Variants in ESRRB observed in about 807,000 individuals in gnomAD.
ESRRB encodes the protein steroid hormone receptor ERR2.
ESRRB carries 16 observed loss-of-function variants against 46.0 expected under a neutral mutation model. The observed-to-expected ratio is 0.35, with a 90% confidence interval of 0.24 to 0.53. The LOEUF is 0.53. Among genes scored for constraint, ESRRB ranks in the 20% least tolerant of loss-of-function variants. The pLI, the probability that ESRRB is intolerant of heterozygous loss-of-function variation, is 0.93. For missense variants in ESRRB, 488 were observed against 607.4 expected, an observed-to-expected ratio of 0.80 and a Z score of 2.07; for synonymous variants, 246 against 259.6, an observed-to-expected ratio of 0.95 and a Z score of 0.50.
At chr14:76,441,355 C>G (rs1407901500) in intron 2 of ESRRB, among the ~76,000 whole-genome samples, 1 of 152,190 alleles carries the variant, frequency 6.6e-6, no homozygotes, top group Non-Finnish European at 1.5e-5. Context: ...TCTGTAAAGT[C>G]ACCACGAGGT....
chr14:76,383,911 G>T (rs7150871), intron 1 of ESRRB, among the ~76,000 whole-genome samples: 1 of 152,118 alleles, frequency 6.6e-6, no homozygotes, highest in Admixed American at 6.6e-5. Flanking sequence ...TATCTGAGGC[G>T]CGTGGTGATA....
chr14:76,449,268 C>T (rs1303609760), intron 2 of ESRRB, among the ~76,000 whole-genome samples: 2 of 152,104 alleles, frequency 1.3e-5, no homozygotes, highest in Non-Finnish European at 1.5e-5. Flanking sequence ...TCTTTACTCC[C>T]AGGCCAGGCA....
Position 76,457,238 on chromosome 14 carries a change from C to T in ESRRB, c.461-5307C>T, listed in dbSNP as rs2139977622. 2.0e-5 allele frequency among the ~76,000 whole-genome samples: 3 copies of T among 152,136 alleles called. No homozygotes were observed. The South Asian group carries it at 6.2e-4, about 32-fold the overall frequency. The stretch of plus-strand genomic sequence containing the variant: ...CCTGCCTCCTTCCCACAGGCACCGG[C>T]AGCATCCACTCTGAGGTCTAGGGAC... On this transcript the variant is annotated intron_variant, in intron 2 of 6. Coordinates refer to ENST00000644823, the MANE Select transcript of ESRRB (RefSeq NM_001379180.1).
At chr14:76,479,767 C>T (rs1418568163) in intron 3 of ESRRB, among the ~76,000 whole-genome samples, 1 of 152,178 alleles carries the variant, frequency 6.6e-6, no homozygotes, top group East Asian at 1.9e-4. Context: ...GCCTTGACCT[C>T]CAGAGAGCAG....
rs572539603 is a variant in ESRRB, at chr14:76,361,698, A to G, written c.2+50782A>G. Among the ~76,000 whole-genome samples the G allele has an allele frequency of 3.3e-4, 50 of 152,218 alleles. No homozygotes were observed. The East Asian group carries it at 8.3e-3, about 25-fold the overall frequency. Reference sequence around the variant, plus strand: ...ACTCCATGTCTGAATCACAGTGAAGACTCAAAACCAACCCATGGGCATCTC... The same window carrying G: ...ACTCCATGTCTGAATCACAGTGAAGGCTCAAAACCAACCCATGGGCATCTC... On this transcript the variant is annotated intron_variant, in intron 1 of 6. Transcript: ENST00000512784.
At chr14:76,405,097 C>CTTTG (rs1450027432) in intron 1 of ESRRB, among the ~76,000 whole-genome samples, 3 of 152,002 alleles carry the variant, frequency 2.0e-5, no homozygotes, top group Non-Finnish European at 4.4e-5. Context: ...TTGTTTTTGT[C>CTTTG]TTTGTTTGTT....
intron 1 of ESRRB, among the ~76,000 whole-genome samples, chr14:76,422,567 G>A (rs1887015851): frequency 6.6e-6 from 1 of 152,252 alleles, no homozygotes; most frequent in South Asian, 2.1e-4. Flanking sequence ...TATGTGGGTA[G>A]GGACCACCCT....
chr14:76,439,852 T>TG, intron 2 of ESRRB, 102 bp downstream of exon 2: 9 of 1,304,844 alleles, frequency 6.9e-6, no homozygotes, highest in Non-Finnish European at 9.6e-6. Context: ...CTGCCAATTC[T>TG]GGGCGCTGTT....
chr14:76,480,914 C>T (rs1219374084), intron 3 of ESRRB, among the ~76,000 whole-genome samples: 1 of 152,180 alleles, frequency 6.6e-6, no homozygotes, highest in South Asian at 2.1e-4. Flanking sequence ...CTCTGGTCTC[C>T]GTGTCTGACT....
At chr14:76,344,416 GC>G (rs2139754217) in intron 1 of ESRRB, among the ~76,000 whole-genome samples, 1 of 149,674 alleles carries the variant, frequency 6.7e-6, no homozygotes, top group African/African-American at 2.5e-5. Flanking sequence ...TTTACCCCTT[GC>G]CCCCCTCCCA....
At chr14:76,460,868 AT>A (rs34134077) in intron 2 of ESRRB, among the ~76,000 whole-genome samples, 1 of 143,814 alleles carries the variant, frequency 7.0e-6, no homozygotes, top group Admixed American at 6.7e-5. Context: ...TGCCCAACTA[AT>A]TTTTTTTTGT....
At chr14:76,446,035 G>T (rs1323004938) in intron 2 of ESRRB, among the ~76,000 whole-genome samples, 1 of 152,176 alleles carries the variant, frequency 6.6e-6, no homozygotes, top group Non-Finnish European at 1.5e-5. Flanking sequence ...TAGTACAATG[G>T]CGGGGGAGGG....
chr14:76,344,510 G>A (rs1371068699), intron 1 of ESRRB, among the ~76,000 whole-genome samples: 1 of 151,894 alleles, frequency 6.6e-6, no homozygotes, highest in Non-Finnish European at 1.5e-5. Flanking sequence ...ATATCAGTGA[G>A]AACATATGAT....
At position 76,499,935 on chromosome 14, in the gene ESRRB, C is replaced by T; in HGVS notation, c.*1477C>T. On this transcript the variant is annotated 3_prime_UTR_variant, in exon 7 of 7. Coordinates refer to ENST00000644823, the MANE Select transcript of ESRRB (RefSeq NM_001379180.1). ...AAGCCATGATGGAAAATGCCCCTTCCAATCAGCTGCCTTCACAAGCAGGGA... is the reference window on the plus strand; with the variant it reads ...AAGCCATGATGGAAAATGCCCCTTCTAATCAGCTGCCTTCACAAGCAGGGA... 1 of 1,613,722 alleles carries T rather than the reference C, an allele frequency of 6.2e-7. No individual in the cohort carries two copies.
chr14:76,401,379 C>A (rs1885936434), intron 1 of ESRRB, among the ~76,000 whole-genome samples: 1 of 152,202 alleles, frequency 6.6e-6, no homozygotes, highest in Non-Finnish European at 1.5e-5. Flanking sequence ...AGGCCTCCAG[C>A]CCTCTTCGAT....
intron 1 of ESRRB, among the ~76,000 whole-genome samples, chr14:76,316,531 A>C (rs876202): frequency 0.41 from 62,483 of 152,040 alleles, 13,973 homozygotes; most frequent in South Asian, 0.53. Flanking sequence ...TGCCTGGCAC[A>C]TAGTATGTGT....
chr14:76,411,915 A>G (rs1886460330), intron 1 of ESRRB, among the ~76,000 whole-genome samples: 1 of 152,224 alleles, frequency 6.6e-6, no homozygotes, highest in Non-Finnish European at 1.5e-5. Context: ...AATCTGTGTA[A>G]TAAGCTGGTA....
At chr14:76,331,425 C>T (rs1397648923) in intron 1 of ESRRB, among the ~76,000 whole-genome samples, 3 of 152,300 alleles carry the variant, frequency 2.0e-5, no homozygotes, top group Admixed American at 2.0e-4. Flanking sequence ...GTGGCATGCA[C>T]AGCACAGCGC....
upstream of ESRRB, among the ~76,000 whole-genome samples, chr14:76,368,155 AG>A (rs1884549150): frequency 1.2e-5 from 1 of 80,100 alleles, no homozygotes; most frequent in Admixed American, 1.3e-4. Context: ...TTGTATTTTT[AG>A]TAGAGACGGG....
Sources: allele counts gnomAD v4.1 joint callset (sites outside exome capture counted in the v4.1 genomes callset), GRCh38; gene constraint gnomAD v4.1.1; transcripts MANE v1.5; gene names NCBI Gene and HGNC (gene_info 2026-07-23, HGNC 2026-07-21).